RPL21: variants seen among roughly 807,000 people sequenced by gnomAD.
RPL21 encodes the protein ribosomal protein L21.
RPL21 carries 1 observed loss-of-function variant against 21.2 expected under a neutral mutation model. The observed-to-expected ratio is 0.05, with a 90% CI of 0.02 to 0.22. RPL21 has a LOEUF of 0.22. Among genes scored for constraint, RPL21 ranks in the 10% least tolerant of loss-of-function variants. RPL21 has a pLI of 1.00. For missense variants in RPL21, 113 were observed against 199.4 expected (o/e 0.57, Z 2.61); for synonymous variants, 52 against 62.9 (o/e 0.83, Z 0.82).
At chr13:27,255,833 A>G (rs1254019464) in intron 4 of RPL21, 7 of 324,314 alleles carry the variant, frequency 2.2e-5, no homozygotes, top group African/African-American at 4.4e-5. Flanking sequence ...CGGCCTCCCA[A>G]AGTGCTGGGA....
intron 3 of RPL21, 200 bp downstream of exon 3, chr13:27,254,481 CCCTCCCGGATT>C (rs1881803330): frequency 1.8e-6 from 1 of 541,078 alleles, no homozygotes; most frequent in Non-Finnish European, 3.3e-6. Flanking sequence ...ACCTCCGCCT[CCCTCCCGGATT>C]CAAGCAGTTC....
intron 1 of RPL21, among the ~76,000 whole-genome samples, chr13:27,253,133 T>G (rs1881726688): frequency 6.6e-6 from 1 of 152,328 alleles, no homozygotes; most frequent in East Asian, 1.9e-4. Context: ...ACCCCTATTT[T>G]ACAAATGAAG....
chr13:27,254,773 C>T (rs906354121), intron 3 of RPL21, among the ~76,000 whole-genome samples: 8 of 152,204 alleles, frequency 5.3e-5, no homozygotes, highest in African/African-American at 1.7e-4. Context: ...CGGACTCAGC[C>T]TCCCAATGTG....
At chr13:27,255,793 C>CA in intron 4 of RPL21, 1 of 337,958 alleles carries the variant, frequency 3.0e-6, no homozygotes, top group South Asian at 2.4e-5. Context: ...AGGATGGTCT[C>CA]AATCTCCTGA....
At position 27,253,112 on chromosome 13, in the gene RPL21, C is replaced by T. The variant is rs7997867; in HGVS notation, c.-12-653C>T. On this transcript the variant is annotated intron_variant, in intron 1 of 5. Transcript: ENST00000311549. ...TTCTTTGTAGACATTACCTCAGCTA[C>T]GAAAGTGTTCACCCCTATTTTACAA... Among the ~76,000 whole-genome samples, 1,090 of 152,246 alleles carry T rather than the reference C, an allele frequency of 7.2e-3. 14 individuals are homozygous for T. The highest frequency in any genetic ancestry group is 0.025 in the African/African-American group (1,042 of 41,532).
intron 2 of RPL21, 102 bp from the exon 3 acceptor site, chr13:27,254,118 A>C: frequency 1.2e-6 from 1 of 811,096 alleles, no homozygotes; most frequent in Non-Finnish European, 2.2e-6. Flanking sequence ...ATAAGCATGT[A>C]ACCATCAAAA....
intron 4 of RPL21, chr13:27,255,602 T>G: frequency 1.6e-6 from 1 of 609,374 alleles, no homozygotes; most frequent in Admixed American, 1.9e-5. Context: ...GACGGAGTCT[T>G]GCTCTGTCGC....
At chr13:27,252,743 T>C (rs1354503513) in intron 1 of RPL21, among the ~76,000 whole-genome samples, 1 of 152,228 alleles carries the variant, frequency 6.6e-6, no homozygotes, top group Non-Finnish European at 1.5e-5. Flanking sequence ...GGTTTGACTT[T>C]GGTGAGTTAG....
intron 4 of RPL21, chr13:27,255,746 G>A (rs556332867): frequency 2.2e-5 from 8 of 358,400 alleles, no homozygotes; most frequent in Non-Finnish European, 3.8e-5. Flanking sequence ...TAAATTTTTT[G>A]TATTCTTAGT....
chr13:27,252,687 T>C (rs950028577), intron 1 of RPL21, among the ~76,000 whole-genome samples: 4 of 152,252 alleles, frequency 2.6e-5, no homozygotes, highest in Admixed American at 1.3e-4. Flanking sequence ...CTTTGGGGAT[T>C]GGAACAGAGT....
intron 1 of RPL21, among the ~76,000 whole-genome samples, chr13:27,253,054 C>G (rs1486411005): frequency 1.3e-5 from 2 of 152,218 alleles, no homozygotes; most frequent in Non-Finnish European, 2.9e-5. Context: ...CCGGTTACTA[C>G]TGAGCACTTT....
In RPL21 at chr13:27,256,441, T is replaced by C; in HGVS notation, c.399T>C (p.Ala133=). 12 of 1,583,866 alleles carry C rather than the reference T, an allele frequency of 7.6e-6. No homozygotes were observed. Among genetic ancestry groups the C allele is most frequent in the Non-Finnish European group, 8.7e-6 (10 of 1,152,902 alleles). Residue 133 remains alanine, a synonymous_variant, in exon 6 of 6, where the codon GCT becomes GCC. Coordinates refer to ENST00000311549, the MANE Select transcript of RPL21 (RefSeq NM_000982.4). ...GTWVQLKRQP[A]PPREAHFVRT... is the part of the protein sequence containing the mutation. The stretch of plus-strand genomic sequence containing the variant: ...CTTTTTTTTTCCTTTAATAGCCTGC[T>C]CCACCCAGAGAAGCACACTTTGTGA...
Position 27,256,320 on chromosome 13 carries a change from C to G in RPL21, c.379C>G (p.Gln127Glu), listed in dbSNP as rs1295289804. 1.2e-6 allele frequency: 2 copies of G among 1,610,202 alleles called. No individual in the cohort carries two copies. The highest frequency in any genetic ancestry group is 2.7e-5 in the African/African-American group (2 of 74,614). The change falls in exon 5 of 6, where the codon CAA becomes GAA. Residue 127 changes from glutamine to glutamate, a missense_variant. Transcript: ENST00000311549. ...AGCCAAAGAGAAAGGTACCTGGGTTCAACTAAAGCGCCAGGTAAGAATTTG... is the reference window on the plus strand; with the variant it reads ...AGCCAAAGAGAAAGGTACCTGGGTTGAACTAAAGCGCCAGGTAAGAATTTG... ...KEAKEKGTWV[Q>E]LKRQPAPPRE...
intron 4 of RPL21, 39 bp downstream of exon 4, chr13:27,255,393 C>T (rs762815062): frequency 3.6e-6 from 3 of 827,314 alleles, no homozygotes; most frequent in Non-Finnish European, 2.2e-6. Flanking sequence ...AACCAGTATT[C>T]CCTCATATAC....
chr13:27,253,729 T>G, intron 1 of RPL21, 36 bp from the exon 2 acceptor site: 2 of 1,185,078 alleles, frequency 1.7e-6, no homozygotes, highest in Non-Finnish European at 2.5e-6. Flanking sequence ...ATGCCAGTTT[T>G]CAGTCGTATT....
intron 3 of RPL21, chr13:27,254,819 C>T: frequency 2.8e-6 from 1 of 354,264 alleles, no homozygotes; most frequent in Non-Finnish European, 5.4e-6. Flanking sequence ...CCGTGCCCGG[C>T]CTAGAATGGA....
chr13:27,253,279 T>C (rs1881734456), intron 1 of RPL21, among the ~76,000 whole-genome samples: 1 of 152,244 alleles, frequency 6.6e-6, no homozygotes, highest in East Asian at 1.9e-4. Context: ...AAATGTGAAG[T>C]GGCTTGAGAT....
At position 27,254,116 on chromosome 13, in the gene RPL21, G is replaced by C. The variant is rs957489555; in HGVS notation, c.68-104G>C. 7.4e-6 allele frequency: 6 copies of C among 807,706 alleles called. No individual in the cohort carries two copies. In the African/African-American group the frequency reaches 1.0e-4, roughly 14 times the overall value. 50.0% of individuals were successfully genotyped at this position (807,706 alleles called of 1,614,324 possible). On this transcript the variant is annotated intron_variant, in intron 2 of 5. Transcript: ENST00000311549. The stretch of plus-strand genomic sequence containing the variant: ...TGTCCATTGGGAAGATAATAAGCAT[G>C]TAACCATCAAAAATGATATATGTGT...
rs767937430 is a variant in RPL21 at position 27,256,425 on chromosome 13, T to C, written c.394-11T>C. The C allele has an allele frequency of 1.9e-6, 3 of 1,587,076 alleles. No homozygotes were observed. Among genetic ancestry groups the C allele is most frequent in the Non-Finnish European group, 2.6e-6 (3 of 1,155,770 alleles). On this transcript the variant is annotated splice_polypyrimidine_tract_variant and intron_variant, in intron 5 of 5. Coordinates refer to ENST00000311549, the MANE Select transcript of RPL21 (RefSeq NM_000982.4). ...ATAATTATTTTATTCCCTTTTTTTT[T>C]CCTTTAATAGCCTGCTCCACCCAGA...
Sources: allele counts gnomAD v4.1 joint callset (sites outside exome capture counted in the v4.1 genomes callset), GRCh38; gene constraint gnomAD v4.1.1; transcripts MANE v1.5; gene names NCBI Gene and HGNC (gene_info 2026-07-23, HGNC 2026-07-21).